The following DNAH8 variants were observed in gnomAD, a reference collection of about 807,000 sequenced individuals.
The protein encoded by DNAH8 is dynein axonemal heavy chain 8, also known as axonemal beta dynein heavy chain 8.
Under a neutral mutation model 562.1 loss-of-function variants are expected in DNAH8, and 382 were observed. That is an observed-to-expected ratio of 0.68 (90% confidence interval 0.63 to 0.74). The LOEUF (loss-of-function observed/expected upper bound fraction) is 0.74, where lower values mean the gene tolerates loss of function less well. Among genes scored for constraint, DNAH8 ranks in the 30% least tolerant of loss-of-function variants. DNAH8 has a pLI of 0.00. For synonymous variants in DNAH8, 1,881 were observed against 1,919.4 expected (o/e 0.98, Z 0.52); for missense variants, 5,203 against 5,620.4 (o/e 0.93, Z 2.37).
Position 38,782,371 on chromosome 6 carries a change from C to G in DNAH8, c.2260-633C>G, listed in dbSNP as rs185224515. The stretch of plus-strand genomic sequence containing the variant: ...TCTCGGCTCACTGCAACCTCCGCAT[C>G]CTGGGTTCAAGCAATTCTCCTGCCT... On this transcript the variant is annotated intron_variant, in intron 16 of 92. Coordinates refer to ENST00000327475, the MANE Select transcript of DNAH8 (RefSeq NM_001206927.2). Among the ~76,000 whole-genome samples the G allele has an allele frequency of 3.0e-3, 461 of 152,170 alleles. 2 individuals are homozygous for G. Among genetic ancestry groups the G allele is most frequent in the African/African-American group, 0.01 (425 of 41,510 alleles).
chr6:38,917,590 T>G (rs558612929), intron 69 of DNAH8, among the ~76,000 whole-genome samples, 184 bp downstream of exon 69: 1 of 152,342 alleles, frequency 6.6e-6, no homozygotes, highest in East Asian at 1.9e-4. Flanking sequence ...ACCTTCTTTT[T>G]ATGACATCTG....
intron 70 of DNAH8, 66 bp from the exon 71 acceptor site, chr6:38,921,303 A>G (rs1583356656): frequency 6.4e-7 from 1 of 1,552,698 alleles, no homozygotes; most frequent in Admixed American, 1.9e-5. Flanking sequence ...GATTTGTGTT[A>G]TCTACCAGTT....
At chr6:38,794,006 A>G (rs1247046659) in intron 21 of DNAH8, among the ~76,000 whole-genome samples, 2 of 152,182 alleles carry the variant, frequency 1.3e-5, no homozygotes, top group African/African-American at 4.8e-5. Flanking sequence ...TTTCTATGTG[A>G]TGCCTAGGAG....
At chr6:38,840,633 C>A (rs900637545) in intron 33 of DNAH8, among the ~76,000 whole-genome samples, 8 of 152,142 alleles carry the variant, frequency 5.3e-5, no homozygotes, top group Non-Finnish European at 1.2e-4. Flanking sequence ...ACATATTAAT[C>A]AATTTCACCA....
intron 53 of DNAH8, among the ~76,000 whole-genome samples, chr6:38,880,911 C>G (rs560298642): frequency 2.0e-5 from 3 of 151,980 alleles, no homozygotes; most frequent in African/African-American, 7.3e-5. Flanking sequence ...GCCTGTAATC[C>G]CAGCTACTCA....
In DNAH8 at chr6:38,961,721, C is replaced by A. The variant is rs191889848; in HGVS notation, c.12452-9871C>A. On this transcript the variant is annotated intron_variant, in intron 82 of 92. Transcript: ENST00000327475. ...TATTTATATGATAATGATTATGAAC[C>A]CCAAACATCGTGATACTTATTGGCG... 3.3e-5 allele frequency among the ~76,000 whole-genome samples: 5 copies of A among 151,712 alleles called. No homozygotes were observed. The East Asian group carries it at 9.7e-4, about 29-fold the overall frequency.
intron 86 of DNAH8, 100 bp downstream of exon 86, chr6:38,982,562 C>A: frequency 1.4e-6 from 1 of 691,212 alleles, no homozygotes. Context: ...TTTGCTGAGC[C>A]CCATGGAGCC....
chr6:38,801,643 T>C (rs190650675), intron 21 of DNAH8, among the ~76,000 whole-genome samples: 263 of 152,318 alleles, frequency 1.7e-3, no homozygotes, highest in African/African-American at 6.0e-3. Context: ...TAGCACTGCA[T>C]TGAATAAATT....
chr6:38,952,016 C>G (rs1380769901), intron 82 of DNAH8, among the ~76,000 whole-genome samples: 1 of 152,080 alleles, frequency 6.6e-6, no homozygotes, highest in African/African-American at 2.4e-5. Context: ...TACAACACAG[C>G]TGGGAAAGAC....
rs756414599 is a variant in DNAH8 at position 38,903,612 on chromosome 6, C to CTTT, written c.9195-2626_9195-2624dup. 5.8e-3 allele frequency among the ~76,000 whole-genome samples: 754 copies of CTTT among 129,420 alleles called. 21 individuals carry two copies. The highest frequency in any genetic ancestry group is 0.029 in the Admixed American group (340 of 11,890). The allele number at this position is 129,420 out of a possible 152,430, so 84.9% of individuals were successfully genotyped here. A position where few individuals can be genotyped will look rare whatever the true frequency, so the allele number is the denominator to read the frequency against. On this transcript the variant is annotated intron_variant, in intron 62 of 92. Coordinates refer to ENST00000327475, the MANE Select transcript of DNAH8 (RefSeq NM_001206927.2). Reference sequence around the variant, plus strand: ...ATGTTTTCTTTTTCTTTCTTTCTTCCTTTTTTTTTTTTTTTTTTGAGAAGG... The same window carrying CTTT: ...ATGTTTTCTTTTTCTTTCTTTCTTCCTTTTTTTTTTTTTTTTTTTTTGAGAAGG...
intron 82 of DNAH8, among the ~76,000 whole-genome samples, chr6:38,962,628 A>T (rs999571709): frequency 5.3e-5 from 8 of 152,310 alleles, no homozygotes; most frequent in African/African-American, 1.9e-4. Context: ...TGTTAGGTCG[A>T]TTAAGGCATT....
At chr6:38,742,676 T>G (rs1037341730) in intron 8 of DNAH8, among the ~76,000 whole-genome samples, 5 of 152,158 alleles carry the variant, frequency 3.3e-5, no homozygotes, top group Admixed American at 1.3e-4. Context: ...TGGTAATAGA[T>G]TTAAGCAGTA....
At chr6:38,878,651 A>G (rs1299361986) in intron 53 of DNAH8, among the ~76,000 whole-genome samples, 1 of 152,208 alleles carries the variant, frequency 6.6e-6, no homozygotes, top group Non-Finnish European at 1.5e-5. Context: ...TACAGTCCTC[A>G]CAAACATTAG....
In DNAH8 at chr6:38,803,245, G is replaced by A; in HGVS notation, c.2968G>A (p.Glu990Lys). Reference sequence around the variant, plus strand: ...TAAGCATGTGGAAGAAGCTGTCAGAGAACTTATATCAATATTTGAGCAGAT... The same window carrying A: ...TAAGCATGTGGAAGAAGCTGTCAGAAAACTTATATCAATATTTGAGCAGAT... ...KSKHVEEAVRELISIFEQIYE... is the reference protein window; with the variant it reads ...KSKHVEEAVRKLISIFEQIYE... The change falls in exon 22 of 93, where the codon GAA becomes AAA. Residue 990 changes from glutamate (E) to lysine (K), a missense_variant. Physicochemically the swap from Glu to Lys is moderately conservative, Grantham distance 56. Around this residue, in one of 6 missense-constraint regions of DNAH8, gnomAD observed 2,176 missense variants for 2,365.1 expected, o/e 0.92. Coordinates refer to ENST00000327475, the MANE Select transcript of DNAH8 (RefSeq NM_001206927.2). 1 of 1,609,760 alleles carries A rather than the reference G, an allele frequency of 6.2e-7. No homozygotes were observed. The highest frequency in any genetic ancestry group is 8.5e-7 in the Non-Finnish European group (1 of 1,177,108).
chr6:38,721,454 A>C (rs1170639672), intron 1 of DNAH8, among the ~76,000 whole-genome samples: 1 of 151,812 alleles, frequency 6.6e-6, no homozygotes, highest in African/African-American at 2.4e-5. Context: ...GCAGTGAGCT[A>C]TGATCACGCC....
intron 62 of DNAH8, among the ~76,000 whole-genome samples, chr6:38,905,075 G>T: frequency 6.6e-6 from 1 of 152,046 alleles, no homozygotes; most frequent in Non-Finnish European, 1.5e-5. Context: ...GACCTCTTTG[G>T]CTGATTAGTT....
chr6:38,737,880 A>G lies in DNAH8; in HGVS notation c.1024A>G (p.Thr342Ala), dbSNP rs770743086. The change falls in exon 7 of 93, where the codon ACC (threonine) becomes GCC (alanine). Residue 342 changes from threonine to alanine, a missense_variant. Physicochemically the swap from Thr to Ala is moderately conservative, Grantham distance 58. Transcript: ENST00000327475. ...IDNVNFSKLH[T>A]FEEVTAAASN... ...CAATGTTAATTTTTCCAAACTGCAC[A>G]CCTTTGAAGAAGTAACTGCTGCAGC... is the stretch of plus-strand genomic sequence containing the variant. The G allele has an allele frequency of 1.1e-5, 17 of 1,598,076 alleles. No individual in the cohort carries two copies. The highest frequency in any genetic ancestry group is 2.7e-5 in the African/African-American group (2 of 73,642).
At chr6:38,836,270 G>A (rs1222901344) in intron 32 of DNAH8, among the ~76,000 whole-genome samples, 3 of 152,000 alleles carry the variant, frequency 2.0e-5, no homozygotes, top group Non-Finnish European at 4.4e-5. Flanking sequence ...TATGTGCCAA[G>A]ATTTTACCCA....
chr6:38,739,240 G>T (rs1764342389), intron 7 of DNAH8, among the ~76,000 whole-genome samples: 1 of 151,986 alleles, frequency 6.6e-6, no homozygotes, highest in African/African-American at 2.4e-5. Context: ...TTGGTATAGT[G>T]CCTTTAGTCA....
Sources: gnomAD v4.1 joint callset for allele counts (sites outside exome capture counted in the v4.1 genomes callset) on GRCh38, gnomAD v4.1.1 for gene constraint, gnomAD v4.1.1 regional missense constraint, MANE v1.5 for transcripts, NCBI Gene and HGNC (gene_info 2026-07-23, HGNC 2026-07-21) for gene names.